Variants in TAB2 observed in about 807,000 individuals in gnomAD.
TAB2 encodes TGF-beta activated kinase 1 (MAP3K7) binding protein 2, also known as TGF-beta-activated kinase 1 and MAP3K7-binding protein 2.
TAB2 carries 3 observed loss-of-function variants against 65.0 expected under a neutral mutation model. The observed-to-expected ratio is 0.05, with a 90% confidence interval of 0.02 to 0.12. The LOEUF is 0.12. TAB2 is among the 10% of genes least tolerant of loss of function. The pLI, the probability that TAB2 is intolerant of heterozygous loss-of-function variation, is 1.00. For missense variants in TAB2, 623 were observed against 840.3 expected, an observed-to-expected ratio of 0.74 and a Z score of 3.20; for synonymous variants, 298 against 285.1, an observed-to-expected ratio of 1.05 and a Z score of -0.46.
intron 1 of TAB2, among the ~76,000 whole-genome samples, chr6:149,256,419 A>T (rs1222687854): frequency 6.6e-6 from 1 of 152,198 alleles, no homozygotes; most frequent in Non-Finnish European, 1.5e-5. Flanking sequence ...AAACTCTTTC[A>T]TACACATCAT....
upstream of TAB2, among the ~76,000 whole-genome samples, chr6:149,313,080 C>T (rs1384507603): frequency 1.6e-4 from 25 of 152,048 alleles, no homozygotes; most frequent in Admixed American, 1.6e-3. Context: ...GTTTTTTAAC[C>T]TTACAGTTCC....
chr6:149,327,492 T>C (rs1779654455), intron 1 of TAB2, among the ~76,000 whole-genome samples: 3 of 152,154 alleles, frequency 2.0e-5, no homozygotes, highest in African/African-American at 7.2e-5. Flanking sequence ...AAAAGGCAAT[T>C]AGTGACCTGA....
chr6:149,384,140 C>T (rs906837084), intron 3 of TAB2, among the ~76,000 whole-genome samples: 1 of 152,100 alleles, frequency 6.6e-6, no homozygotes, highest in South Asian at 2.1e-4. Flanking sequence ...CCTGGAAATA[C>T]TGTTTTAGAG....
intron 6 of TAB2, chr6:149,400,532 T>C (rs527357500): frequency 7.4e-6 from 12 of 1,614,152 alleles, no homozygotes; most frequent in African/African-American, 1.3e-5. Flanking sequence ...TGAAAGCCTA[T>C]TGTGAACCAC....
At position 149,389,771 on chromosome 6, in the gene TAB2, G is replaced by C. The variant is rs543388448; in HGVS notation, c.1604-7833G>C. 7.7e-4 allele frequency among the ~76,000 whole-genome samples: 116 copies of C among 151,280 alleles called. 1 individual carries two copies. The Middle Eastern group carries it at 0.035, about 46-fold the overall frequency. On this transcript the variant is annotated intron_variant, in intron 3 of 6. Coordinates refer to ENST00000637181, the MANE Select transcript of TAB2 (RefSeq NM_001292034.3). ...GTGCATCTAGGCCTGTTTTCATTCT[G>C]TCTAAAATAAAAGTTTTAGATTATA... is the stretch of plus-strand genomic sequence containing the variant.
At chr6:149,277,225 A>G (rs1390681906) in intron 1 of TAB2, among the ~76,000 whole-genome samples, 1 of 152,230 alleles carries the variant, frequency 6.6e-6, no homozygotes, top group Non-Finnish European at 1.5e-5. Flanking sequence ...TGCAAATAAC[A>G]TTAGTATAAG....
At chr6:149,401,402 A>G (rs1782404788) in intron 6 of TAB2, 1 of 156,582 alleles carries the variant, frequency 6.4e-6, no homozygotes, top group Admixed American at 6.5e-5. Context: ...GCTAAAAGAA[A>G]TCAAAAGTGG....
At position 149,253,432 on chromosome 6, in the gene TAB2, C is replaced by A. The variant is rs147519617; in HGVS notation, c.-121+34656C>A. 9.3e-3 allele frequency among the ~76,000 whole-genome samples: 1,404 copies of A among 151,698 alleles called. 29 individuals are homozygous for A. The highest frequency in any genetic ancestry group is 0.032 in the African/African-American group (1,341 of 41,334). ...GGTCAGGAGTTTGAGACCAGCCTGGCCAACACAGTGAAACCCCATCTCTGC... is the reference window on the plus strand; with the variant it reads ...GGTCAGGAGTTTGAGACCAGCCTGGACAACACAGTGAAACCCCATCTCTGC... On this transcript the variant is annotated intron_variant, in intron 1 of 1. Coordinates refer to the TAB2 transcript ENST00000606202.
At chr6:149,289,995 C>T (rs993127796) in intron 1 of TAB2, among the ~76,000 whole-genome samples, 1 of 152,120 alleles carries the variant, frequency 6.6e-6, no homozygotes, top group African/African-American at 2.4e-5. Flanking sequence ...AATGTCTGGT[C>T]ATGATAAGGG....
intron 1 of TAB2, among the ~76,000 whole-genome samples, chr6:149,274,066 T>C (rs1017146160): frequency 2.0e-5 from 3 of 152,274 alleles, no homozygotes; most frequent in Non-Finnish European, 4.4e-5. Context: ...ATAATATTTC[T>C]ATTGACCAAT....
At chr6:149,379,871 C>CTAGTT in intron 3 of TAB2, 1 of 451,332 alleles carries the variant, frequency 2.2e-6, no homozygotes, top group South Asian at 1.6e-5. Flanking sequence ...CTAGAAATAA[C>CTAGTT]GTTTTAATAA....
intron 1 of TAB2, among the ~76,000 whole-genome samples, chr6:149,360,260 C>T (rs1236553617): frequency 6.6e-6 from 1 of 152,016 alleles, no homozygotes; most frequent in Non-Finnish European, 1.5e-5. Flanking sequence ...GTACCCAAGA[C>T]TGGGTAATTT....
At chr6:149,402,851 C>T (rs1216483916) in intron 6 of TAB2, among the ~76,000 whole-genome samples, 1 of 152,148 alleles carries the variant, frequency 6.6e-6, no homozygotes, top group Non-Finnish European at 1.5e-5. Context: ...TGATACAGCA[C>T]ACACATTGAA....
At chr6:149,314,675 A>G (rs1348869002), upstream of TAB2, among the ~76,000 whole-genome samples, 1 of 152,172 alleles carries the variant, frequency 6.6e-6, no homozygotes, top group Non-Finnish European at 1.5e-5. Flanking sequence ...GTTCTACTAC[A>G]AGCCCTGTTC....
upstream of TAB2, among the ~76,000 whole-genome samples, chr6:149,312,917 G>A (rs1779190078): frequency 6.6e-6 from 1 of 152,094 alleles, no homozygotes; most frequent in Non-Finnish European, 1.5e-5. Flanking sequence ...TAGTCACCAT[G>A]TTGCATAATA....
chr6:149,339,512 A>G lies in TAB2; in HGVS notation c.-90+21497A>G, dbSNP rs150505823. Among the ~76,000 whole-genome samples, 1,159 of 152,298 alleles carry G rather than the reference A, an allele frequency of 7.6e-3. 9 individuals carry two copies. The highest frequency in any genetic ancestry group is 0.011 in the Non-Finnish European group (773 of 68,024). On this transcript the variant is annotated intron_variant, in intron 1 of 6. Transcript: ENST00000637181. ...TGGACTCATACATTGACACTGTCAT[A>G]TAAGTAAACTCTCTTAGAAATAGGG...
intron 1 of TAB2, among the ~76,000 whole-genome samples, chr6:149,231,992 GGGAAAACATGCTTAACA>G (rs1261278749): frequency 6.6e-6 from 1 of 152,142 alleles, no homozygotes; most frequent in Non-Finnish European, 1.5e-5. Flanking sequence ...ACAAACGCTT[GGGAAAACATGCTTAACA>G]GGAAGCTCAC....
At chr6:149,295,104 A>G (rs1476166524) in intron 1 of TAB2, among the ~76,000 whole-genome samples, 1 of 152,114 alleles carries the variant, frequency 6.6e-6, no homozygotes, top group Non-Finnish European at 1.5e-5. Flanking sequence ...TTTCATCTTG[A>G]GTGGAGGTTA....
Position 149,287,636 on chromosome 6 carries a change from G to T in TAB2, c.-121+68860G>T, listed in dbSNP as rs1778701452. Among the ~76,000 whole-genome samples the T allele has an allele frequency of 2.0e-5, 3 of 152,128 alleles. No homozygotes were observed. The South Asian group carries it at 6.2e-4, about 32-fold the overall frequency. On this transcript the variant is annotated intron_variant, in intron 1 of 1. Transcript: ENST00000606202. ...TAGCCAGCAGACAAAACACAGGGCC[G>T]CTCTCAGTCAGTTTGTTACTGAACT...
Sources: gnomAD v4.1 joint callset for allele counts (sites outside exome capture counted in the v4.1 genomes callset) on GRCh38, gnomAD v4.1.1 for gene constraint, MANE v1.5 for transcripts, NCBI Gene and HGNC (gene_info 2026-07-23, HGNC 2026-07-21) for gene names.